The following GHR variants were observed in gnomAD, a reference collection of about 807,000 sequenced individuals.
GHR encodes the protein growth hormone receptor.
GHR carries 35 observed loss-of-function variants against 67.1 expected under a neutral mutation model. The observed-to-expected ratio is 0.52, with a 90% CI of 0.40 to 0.69. GHR has a LOEUF of 0.69. Ranked by LOEUF, GHR falls within the 30% of genes least tolerant of loss-of-function variation. The pLI, the probability that GHR is intolerant of heterozygous loss-of-function variation, is 0.00. For missense variants in GHR, 792 were observed against 764.6 expected (o/e 1.04, Z -0.42); for synonymous variants, 272 against 269.1 (o/e 1.01, Z -0.10).
intron 1 of GHR, among the ~76,000 whole-genome samples, chr5:42,452,788 G>A (rs1169513183): frequency 4.0e-5 from 6 of 151,816 alleles, no homozygotes; most frequent in South Asian, 4.2e-4. Context: ...AGAAAATTTC[G>A]TTCATATTTT....
Position 42,719,196 on chromosome 5 carries a change from G to A in GHR, c.1689G>A (p.Glu563=), listed in dbSNP as rs531043887. The change falls in exon 10 of 10, where the codon GAG becomes GAA. Residue 563 remains glutamate (E), a synonymous_variant. Coordinates refer to ENST00000230882, the MANE Select transcript of GHR (RefSeq NM_000163.5). ...ESHIQPSLNQ[E]DIYITTESLT... ...ACATACAGCCAAGCTTAAACCAAGA[G>A]GACATTTACATCACCACAGAAAGCC... The A allele has an allele frequency of 1.7e-5, 28 of 1,614,064 alleles. No individual in the cohort carries two copies. The highest frequency in any genetic ancestry group is 1.1e-4 in the South Asian group (10 of 91,062).
intron 4 of GHR, among the ~76,000 whole-genome samples, chr5:42,689,872 A>G (rs1430436173): frequency 1.3e-5 from 2 of 152,218 alleles, no homozygotes; most frequent in African/African-American, 4.8e-5. Context: ...TCTCTTAAAT[A>G]TATTCAGTAA....
At chr5:42,427,654 C>T (rs1486309724) in intron 1 of GHR, among the ~76,000 whole-genome samples, 1 of 151,934 alleles carries the variant, frequency 6.6e-6, no homozygotes, top group Non-Finnish European at 1.5e-5. Context: ...CTCATTTCAG[C>T]ATTAACTCAA....
chr5:42,661,958 G>A (rs569202832), intron 3 of GHR, among the ~76,000 whole-genome samples: 56 of 152,220 alleles, frequency 3.7e-4, no homozygotes, highest in East Asian at 1.5e-3. Flanking sequence ...TGCAATCCTC[G>A]TCTCTGATAA....
chr5:42,663,758 G>C (rs1420329270), intron 3 of GHR, among the ~76,000 whole-genome samples: 4 of 152,148 alleles, frequency 2.6e-5, no homozygotes, highest in Non-Finnish European at 5.9e-5. Flanking sequence ...AATTACGCAG[G>C]AGAAGGAAAT....
intron 1 of GHR, among the ~76,000 whole-genome samples, chr5:42,474,277 AAGAAAGAAAAAGAGAAAG>A (rs1745153598): frequency 1.8e-5 from 2 of 110,690 alleles, no homozygotes; most frequent in African/African-American, 3.6e-5. Context: ...GAAAGAAAGA[AAGAAAGAAAAAGAGAAAG>A]AGAAAGAAAG....
intron 3 of GHR, among the ~76,000 whole-genome samples, chr5:42,665,971 G>T (rs1755952272): frequency 6.6e-6 from 1 of 151,978 alleles, no homozygotes; most frequent in Non-Finnish European, 1.5e-5. Context: ...CTGCCCCCAT[G>T]ATTCAATTAC....
intron 6 of GHR, among the ~76,000 whole-genome samples, chr5:42,708,219 G>A (rs954465884): frequency 6.6e-6 from 1 of 152,112 alleles, no homozygotes; most frequent in Admixed American, 6.6e-5. Flanking sequence ...TCACAATTAT[G>A]TGAAAAGTTT....
rs145667816 is a variant in GHR, at chr5:42,540,134, T to C, written c.-11-25730T>C. Among the ~76,000 whole-genome samples the C allele has an allele frequency of 3.9e-3, 591 of 152,208 alleles. 4 individuals are homozygous for C. The highest frequency in any genetic ancestry group is 0.013 in the African/African-American group (558 of 41,534). On this transcript the variant is annotated intron_variant, in intron 1 of 9. Transcript: ENST00000230882. ...GATAGATCTGCCTGATATTAAACTATCCTTGCATTCTTGATCTAAATCTTA... is the reference window on the plus strand; with the variant it reads ...GATAGATCTGCCTGATATTAAACTACCCTTGCATTCTTGATCTAAATCTTA...
chr5:42,545,777 C>A (rs1410374655), intron 1 of GHR, among the ~76,000 whole-genome samples: 1 of 152,094 alleles, frequency 6.6e-6, no homozygotes, highest in Non-Finnish European at 1.5e-5. Context: ...TTCCCAAAGT[C>A]CTTCACTTTC....
chr5:42,474,337 G>GAAAGAAAGAAAGAAAGAA (rs1280195955), intron 1 of GHR, among the ~76,000 whole-genome samples: 1 of 41,784 alleles, frequency 2.4e-5, no homozygotes, highest in Non-Finnish European at 5.5e-5. Flanking sequence ...AAGAAAGAAA[G>GAAAGAAAGAAAGAAAGAA]AAAAGAAATA....
rs190314158 is a variant in GHR at position 42,695,014 on chromosome 5, T to G, written c.364T>G (p.Trp122Gly). ...CYFNSSFTSI[W>G]IPYCIKLTSN... is the part of the protein sequence containing the mutation. ...CTTTAATTCATCGTTTACCTCCATC[T>G]GGATACCTTATTGTATCAAGCTAAC... Residue 122 changes from tryptophan (W) to glycine (G), a missense_variant, in exon 5 of 10, where the codon TGG (tryptophan) becomes GGG (glycine). Physicochemically the swap from Trp to Gly is radical, Grantham distance 184. Coordinates refer to ENST00000230882, the MANE Select transcript of GHR (RefSeq NM_000163.5). 1 of 1,609,910 alleles carries G rather than the reference T, an allele frequency of 6.2e-7. No individual in the cohort carries two copies. The highest frequency in any genetic ancestry group is 2.2e-5 in the East Asian group (1 of 44,840).
chr5:42,558,096 A>C (rs1561120775), intron 1 of GHR, among the ~76,000 whole-genome samples: 1 of 152,180 alleles, frequency 6.6e-6, no homozygotes, highest in African/African-American at 2.4e-5. Flanking sequence ...CAGGTGTTAA[A>C]CATTTACCAG....
At chr5:42,575,045 T>A (rs142542351) in intron 2 of GHR, among the ~76,000 whole-genome samples, 227 of 127,570 alleles carry the variant, frequency 1.8e-3, no homozygotes, top group African/African-American at 8.1e-3. Context: ...CAAATTCCTC[T>A]GGTACTTATC....
chr5:42,460,407 C>T (rs1744438188), intron 1 of GHR, among the ~76,000 whole-genome samples: 1 of 152,320 alleles, frequency 6.6e-6, no homozygotes, highest in South Asian at 2.1e-4. Flanking sequence ...CTAGCTAACA[C>T]ATTACATTTT....
At position 42,570,350 on chromosome 5, in the gene GHR, C is replaced by A. The variant is rs374428007; in HGVS notation, c.70+4406C>A. ...CCATGTACATCAGCAATCCTCTGTC[C>A]CCTTGTCCTCCTGATATTGCAGAAT... On this transcript the variant is annotated intron_variant, in intron 2 of 9. Transcript: ENST00000230882. Among the ~76,000 whole-genome samples the A allele has an allele frequency of 2.0e-4, 30 of 152,258 alleles. No homozygotes were observed. The South Asian group carries it at 5.6e-3, about 28-fold the overall frequency.
intron 2 of GHR, among the ~76,000 whole-genome samples, chr5:42,621,409 G>A (rs1753437776): frequency 6.6e-6 from 1 of 152,096 alleles, no homozygotes; most frequent in Admixed American, 6.6e-5. Flanking sequence ...GTAATTGCAA[G>A]CGGATATCTC....
At chr5:42,450,907 A>G (rs926198793) in intron 1 of GHR, among the ~76,000 whole-genome samples, 8 of 152,200 alleles carry the variant, frequency 5.3e-5, no homozygotes, top group Non-Finnish European at 1.2e-4. Context: ...TCAAGAGCAG[A>G]TTATTTAATG....
intron 1 of GHR, among the ~76,000 whole-genome samples, chr5:42,484,640 C>T (rs966491616): frequency 1.3e-5 from 2 of 152,240 alleles, no homozygotes; most frequent in South Asian, 4.1e-4. Flanking sequence ...GCTTTCTGCT[C>T]ACTCAGGTCC....
Sources: gnomAD v4.1 joint callset for allele counts (sites outside exome capture counted in the v4.1 genomes callset) on GRCh38, gnomAD v4.1.1 for gene constraint, MANE v1.5 for transcripts, NCBI Gene and HGNC (gene_info 2026-07-23, HGNC 2026-07-21) for gene names.